The following TRMT44 variants were observed in gnomAD, a reference collection of about 807,000 sequenced individuals.
The protein encoded by TRMT44 is tRNA methyltransferase 44 homolog, also known as probable tRNA (uracil-O(2)-)-methyltransferase.
In TRMT44, 78 loss-of-function variants were observed where a neutral mutation model predicts 77.3. That is an observed-to-expected ratio of 1.01 (90% CI 0.84 to 1.22). The LOEUF (loss-of-function observed/expected upper bound fraction) is 1.22. Among genes scored for constraint, TRMT44 ranks in the 50% most tolerant of loss-of-function variants. The pLI, the probability that TRMT44 is intolerant of heterozygous loss-of-function variation, is 0.00. For missense variants in TRMT44, 1,090 were observed against 964.4 expected, an observed-to-expected ratio of 1.13 and a Z score of -1.73; for synonymous variants, 391 against 383.3, an observed-to-expected ratio of 1.02 and a Z score of -0.23.
downstream of TRMT44, chr4:8,477,077 A>T (rs1292388481): frequency 6.6e-6 from 1 of 152,220 alleles, no homozygotes; most frequent in Non-Finnish European, 1.5e-5. Context: ...CTATGGTTTT[A>T]TACAAAAGGT....
At chr4:8,467,049 C>T (rs774320926) in intron 8 of TRMT44, among the ~76,000 whole-genome samples, 19 of 152,156 alleles carry the variant, frequency 1.2e-4, no homozygotes, top group Middle Eastern at 3.2e-3. Context: ...TGGGCAGGGC[C>T]TGGTTGTCCG....
the TRMT44 span, among the ~76,000 whole-genome samples, chr4:8,500,959 G>A: frequency 6.6e-6 from 1 of 152,180 alleles, no homozygotes; most frequent in African/African-American, 2.4e-5. Flanking sequence ...CTGTGATGCT[G>A]GGACCCCCAC....
At chr4:8,482,831 A>C (rs528481699) in intron 2 of TRMT44, among the ~76,000 whole-genome samples, 283 of 150,258 alleles carry the variant, frequency 1.9e-3, no homozygotes, top group Non-Finnish European at 3.6e-3. Context: ...GCTTGGGCTC[A>C]GAGGCCTGAC....
chr4:8,488,307 G>A (rs1727880861), intron 2 of TRMT44, among the ~76,000 whole-genome samples: 1 of 152,206 alleles, frequency 6.6e-6, no homozygotes, highest in South Asian at 2.1e-4. Context: ...CTTTGTGTGA[G>A]CAACATGGCT....
chr4:8,514,308 G>A, the TRMT44 span, among the ~76,000 whole-genome samples: 2 of 147,632 alleles, frequency 1.4e-5, no homozygotes, highest in South Asian at 4.3e-4. Context: ...AGGCTGGAGT[G>A]CAGTGGTGTG....
At chr4:8,460,499 A>C (rs1363469587) in intron 6 of TRMT44, among the ~76,000 whole-genome samples, 1 of 152,206 alleles carries the variant, frequency 6.6e-6, no homozygotes, top group African/African-American at 2.4e-5. Flanking sequence ...ATTTCATAGA[A>C]ATAGAAAATC....
the TRMT44 span, among the ~76,000 whole-genome samples, chr4:8,508,166 C>T: frequency 6.6e-6 from 1 of 152,214 alleles, no homozygotes; most frequent in African/African-American, 2.4e-5. Flanking sequence ...CTCGGCCTCC[C>T]AGAGTGCTGG....
chr4:8,464,788 C>A (rs959144166), intron 7 of TRMT44, among the ~76,000 whole-genome samples: 24 of 152,138 alleles, frequency 1.6e-4, no homozygotes, highest in Admixed American at 6.6e-4. Flanking sequence ...TAATTAGATT[C>A]TATTGAAAAG....
In TRMT44 at chr4:8,452,035, G is replaced by T. The variant is rs192284628; in HGVS notation, c.1023+7G>T. Reference sequence around the variant, plus strand: ...TATCGCAGCATACCTGCTGGTAAGGGTGTAAGCGACCTCAGCTTCTCTGGA... The same window carrying T: ...TATCGCAGCATACCTGCTGGTAAGGTTGTAAGCGACCTCAGCTTCTCTGGA... On this transcript the variant is annotated splice_region_variant and intron_variant, in intron 4 of 10. Transcript: ENST00000389737. This position sits in a 1 kb window ranked among gnomAD's most constrained non-coding sequence, Gnocchi z 5.7. 9 of 1,536,370 alleles carry T rather than the reference G, an allele frequency of 5.9e-6. No homozygotes were observed. The Admixed American group carries it at 7.8e-5, about 13-fold the overall frequency.
At chr4:8,485,689 G>T (rs369263051) in intron 2 of TRMT44, among the ~76,000 whole-genome samples, 1 of 152,124 alleles carries the variant, frequency 6.6e-6, no homozygotes, top group African/African-American at 2.4e-5. Context: ...GCGGCAATGA[G>T]ATGTGGCTGT....
chr4:8,463,938 C>G (rs781081049), intron 6 of TRMT44, 47 bp from the exon 7 acceptor site: 1 of 1,541,554 alleles, frequency 6.5e-7, no homozygotes, highest in Non-Finnish European at 9.0e-7. Context: ...CGCAGTAGCT[C>G]TACAATGATT....
intron 2 of TRMT44, among the ~76,000 whole-genome samples, chr4:8,486,119 G>C (rs943940704): frequency 6.6e-6 from 1 of 152,170 alleles, no homozygotes; most frequent in Non-Finnish European, 1.5e-5. Context: ...CTCTGGGAGT[G>C]GCTGCCAGGT....
Position 8,451,370 on chromosome 4 carries a change from T to C in TRMT44, c.955-590T>C, listed in dbSNP as rs1252836412. Among the ~76,000 whole-genome samples, 1 of 152,234 alleles carries C rather than the reference T, an allele frequency of 6.6e-6. No homozygotes were observed. The highest frequency in any genetic ancestry group is 1.5e-5 in the Non-Finnish European group (1 of 68,034). On this transcript the variant is annotated intron_variant, in intron 3 of 10. Transcript: ENST00000389737. This position sits in a 1 kb window ranked among gnomAD's most constrained non-coding sequence, Gnocchi z 4.1. ...AAATAGAAATTTCAACTTTTAACAT[T>C]GGCCATTGGTTTTTCCTGTTTTGCC...
rs1194564777 is a variant in TRMT44, at chr4:8,444,039, G to C, written c.620-2437G>C. On this transcript the variant is annotated intron_variant, in intron 1 of 10. Coordinates refer to ENST00000389737, the MANE Select transcript of TRMT44 (RefSeq NM_152544.3). The surrounding 1 kb of genome is among the most constrained non-coding windows in gnomAD (Gnocchi z 4.0). ...AGGATGACATAGTGGTTAAGAACTT[G>C]ACTTCTTTAGTTAAAGAACAGAATT... 1.3e-5 allele frequency among the ~76,000 whole-genome samples: 2 copies of C among 152,006 alleles called. No individual in the cohort carries two copies. The highest frequency in any genetic ancestry group is 2.9e-5 in the Non-Finnish European group (2 of 68,000).
Position 8,454,780 on chromosome 4 carries a change from C to A in TRMT44, c.1170C>A (p.Ile390=). 6.2e-7 allele frequency: 1 copy of A among 1,614,224 alleles called. No individual in the cohort carries two copies. Among genetic ancestry groups the A allele is most frequent in the Non-Finnish European group, 8.5e-7 (1 of 1,180,042 alleles). ...GGATTGATGTCCGAAGAAGAAAAAT[C>A]TGGGACATGTATGGACCACAAACTC... The part of the protein sequence containing the change: ...GRGIDVRRRK[I]WDMYGPQTQL... The change falls in exon 6 of 11, where the codon ATC becomes ATA. Residue 390 remains isoleucine, a synonymous_variant. Coordinates refer to ENST00000389737, the MANE Select transcript of TRMT44 (RefSeq NM_152544.3).
chr4:8,490,207 C>G (rs1727954664), intron 2 of TRMT44, among the ~76,000 whole-genome samples: 1 of 152,194 alleles, frequency 6.6e-6, no homozygotes, highest in South Asian at 2.1e-4. Flanking sequence ...AACCCCTATC[C>G]TACAAGCTTT....
At chr4:8,480,098 T>C (rs1490630799), downstream of TRMT44, among the ~76,000 whole-genome samples, 1 of 152,110 alleles carries the variant, frequency 6.6e-6, no homozygotes, top group Admixed American at 6.5e-5. Context: ...GGGTGGCGAA[T>C]ATTTGAGTTG....
chr4:8,474,462 TCCAGCCAGGCTG>T (rs1727233961), intron 10 of TRMT44, among the ~76,000 whole-genome samples: 1 of 152,206 alleles, frequency 6.6e-6, no homozygotes, highest in Admixed American at 6.5e-5. Flanking sequence ...TGGCGGTGCT[TCCAGCCAGGCTG>T]TGAGGGTGAG....
rs746624652 is a variant in TRMT44, at chr4:8,468,235, C to T, written c.1816C>T (p.Arg606Ter). Residue 606 changes from arginine to a stop codon, truncating the protein, a stop_gained, in exon 9 of 11, where the codon CGA becomes TGA. Coordinates refer to ENST00000389737, the MANE Select transcript of TRMT44 (RefSeq NM_152544.3). LOFTEE classifies it high-confidence loss of function. Reference sequence around the variant, plus strand: ...TGTGAGGAACTGTGCCGCCCTGCCACGAGATTTTATTGACCAAGTGGTTTT... The same window carrying T: ...TGTGAGGAACTGTGCCGCCCTGCCATGAGATTTTATTGACCAAGTGGTTTT... ...ERVRNCAALPRDFIDQVVLQV... is the reference protein window; with the variant it reads ...ERVRNCAALP 8 of 1,614,214 alleles carry T rather than the reference C, an allele frequency of 5.0e-6. No homozygotes were observed. Among genetic ancestry groups the T allele is most frequent in the African/African-American group, 2.7e-5 (2 of 75,070 alleles).
Sources: gnomAD v4.1 joint callset for allele counts (sites outside exome capture counted in the v4.1 genomes callset) on GRCh38, gnomAD v4.1.1 for gene constraint, Gnocchi (gnomAD v3.1) non-coding constraint, MANE v1.5 for transcripts, NCBI Gene and HGNC (gene_info 2026-07-23, HGNC 2026-07-21) for gene names.